The following HPSE2 variants were observed in gnomAD, a reference collection of about 807,000 sequenced individuals.
HPSE2 encodes the protein inactive heparanase-2.
A neutral mutation model predicts 60.5 loss-of-function variants in HPSE2; 38 were observed. The observed-to-expected ratio is 0.63, with a 90% CI of 0.48 to 0.82. The LOEUF (loss-of-function observed/expected upper bound fraction) is 0.82, where lower values mean the gene tolerates loss of function less well. Ranked by LOEUF, HPSE2 falls within the 40% of genes least tolerant of loss-of-function variation. HPSE2 has a pLI of 0.00. For synonymous variants in HPSE2, 295 were observed against 293.2 expected, an observed-to-expected ratio of 1.01 and a Z score of -0.06; for missense variants, 713 against 740.4, an observed-to-expected ratio of 0.96 and a Z score of 0.43.
chr10:98,761,288 G>T (rs1249159395), intron 3 of HPSE2, among the ~76,000 whole-genome samples: 1 of 152,044 alleles, frequency 6.6e-6, no homozygotes, highest in Non-Finnish European at 1.5e-5. Context: ...AAAGATCAAG[G>T]AAGCTAAGAG....
intron 9 of HPSE2, among the ~76,000 whole-genome samples, chr10:98,593,374 C>T (rs1239506392): frequency 6.6e-6 from 1 of 152,002 alleles, no homozygotes; most frequent in East Asian, 1.9e-4. Context: ...CAGCGAAAAT[C>T]CAGATTATGG....
In HPSE2 at chr10:98,459,145, C is replaced by A; in HGVS notation, c.*429G>T. ...GGGAGAGGATGGGTTTTTGTAGGTC[C>A]ACCCAGTTTTTTTCCTTCCTCATCT... On this transcript the variant is annotated 3_prime_UTR_variant, in exon 12 of 12. Transcript: ENST00000370552. The A allele has an allele frequency of 4.1e-6, 1 of 243,996 alleles. No individual in the cohort carries two copies. Among genetic ancestry groups the A allele is most frequent in the Non-Finnish European group, 8.1e-6 (1 of 123,334 alleles). The allele number at this position is 243,996 out of a possible 1,614,324, so 15.1% of individuals were successfully genotyped here.
intron 3 of HPSE2, among the ~76,000 whole-genome samples, chr10:99,066,432 A>T (rs566007808): frequency 1.3e-5 from 2 of 152,210 alleles, no homozygotes; most frequent in African/African-American, 2.4e-5. Context: ...GAGTTGTATT[A>T]GTCTGTTCTC....
intron 3 of HPSE2, among the ~76,000 whole-genome samples, chr10:98,765,187 T>A (rs540336827): frequency 7.9e-5 from 12 of 152,296 alleles, no homozygotes; most frequent in African/African-American, 2.9e-4. Context: ...TGAAGAACAC[T>A]GAAGACAACT....
At chr10:98,828,288 A>G (rs1432502649) in intron 3 of HPSE2, among the ~76,000 whole-genome samples, 1 of 152,244 alleles carries the variant, frequency 6.6e-6, no homozygotes, top group Admixed American at 6.5e-5. Flanking sequence ...ATATGCCCAC[A>G]ACCTTGAAAG....
chr10:99,103,562 G>A (rs2135652906), intron 3 of HPSE2, among the ~76,000 whole-genome samples: 1 of 152,250 alleles, frequency 6.6e-6, no homozygotes, highest in African/African-American at 2.4e-5. Context: ...TACTGCCCAA[G>A]GTCATTTATA....
the HPSE2 span, among the ~76,000 whole-genome samples, chr10:99,252,662 G>A: frequency 6.6e-6 from 1 of 152,070 alleles, no homozygotes; most frequent in South Asian, 2.1e-4. Context: ...AGATCATGAA[G>A]TCAGGAGATC....
At chr10:99,132,874 C>T (rs902031475) in intron 3 of HPSE2, among the ~76,000 whole-genome samples, 2 of 152,102 alleles carry the variant, frequency 1.3e-5, no homozygotes, top group African/African-American at 4.8e-5. Context: ...GTGCCTGAAA[C>T]GCCAGCGAGA....
chr10:98,485,931 C>G (rs1427197224), intron 10 of HPSE2, among the ~76,000 whole-genome samples: 1 of 152,100 alleles, frequency 6.6e-6, no homozygotes, highest in South Asian at 2.1e-4. Context: ...GGGAGGGAGA[C>G]CTGAAATCAC....
intron 2 of HPSE2, among the ~76,000 whole-genome samples, chr10:99,224,787 T>G (rs911313590): frequency 8.5e-5 from 13 of 152,146 alleles, no homozygotes; most frequent in African/African-American, 2.9e-4. Flanking sequence ...CAAAAAAAAT[T>G]GATGAATTAC....
At chr10:98,470,904 C>T (rs1413428687) in intron 11 of HPSE2, among the ~76,000 whole-genome samples, 1 of 152,144 alleles carries the variant, frequency 6.6e-6, no homozygotes, top group East Asian at 1.9e-4. Flanking sequence ...AAACAAAAAA[C>T]TCTCGGAAAA....
chr10:98,681,371 T>A (rs926455254), intron 6 of HPSE2, among the ~76,000 whole-genome samples: 2 of 152,170 alleles, frequency 1.3e-5, no homozygotes, highest in African/African-American at 4.8e-5. Context: ...ATGAAATGCA[T>A]CAACATTTGG....
At chr10:98,477,825 G>A (rs1941082815) in intron 11 of HPSE2, among the ~76,000 whole-genome samples, 1 of 152,062 alleles carries the variant, frequency 6.6e-6, no homozygotes, top group Non-Finnish European at 1.5e-5. Flanking sequence ...TGGTGGGTGA[G>A]CATTACCACC....
chr10:98,519,555 C>A (rs1942717322), intron 9 of HPSE2, among the ~76,000 whole-genome samples: 1 of 152,254 alleles, frequency 6.6e-6, no homozygotes, highest in Non-Finnish European at 1.5e-5. Context: ...TTTATAATAA[C>A]CACTGCCTTC....
intron 3 of HPSE2, among the ~76,000 whole-genome samples, chr10:98,815,001 G>A (rs1395916711): frequency 2.0e-5 from 3 of 152,222 alleles, no homozygotes; most frequent in African/African-American, 7.2e-5. Flanking sequence ...TGGCCAGGCA[G>A]TTGCCCGAGC....
intron 3 of HPSE2, among the ~76,000 whole-genome samples, chr10:98,847,435 A>C (rs1023535878): frequency 2.6e-5 from 4 of 152,226 alleles, no homozygotes; most frequent in African/African-American, 9.6e-5. Context: ...ACAGGTAATA[A>C]GTGGTTGAGC....
chr10:98,723,101 T>C (rs1486357306), intron 4 of HPSE2, among the ~76,000 whole-genome samples: 1 of 152,172 alleles, frequency 6.6e-6, no homozygotes. Context: ...GGCTGTGGGT[T>C]TGTCATAGAT....
intron 8 of HPSE2, among the ~76,000 whole-genome samples, chr10:98,617,229 ATTAT>A (rs1375462002): frequency 3.9e-5 from 6 of 152,166 alleles, no homozygotes; most frequent in African/African-American, 1.4e-4. Context: ...TTACTCATTC[ATTAT>A]TTATTCAATA....
chr10:98,709,637 A>G (rs545113460), intron 5 of HPSE2, among the ~76,000 whole-genome samples: 3 of 152,348 alleles, frequency 2.0e-5, no homozygotes, highest in Middle Eastern at 3.4e-3. Context: ...CTGCTACTAT[A>G]GAAAATAACA....
Sources: allele counts gnomAD v4.1 joint callset (sites outside exome capture counted in the v4.1 genomes callset), GRCh38; gene constraint gnomAD v4.1.1; transcripts MANE v1.5; gene names NCBI Gene and HGNC (gene_info 2026-07-23, HGNC 2026-07-21).